CADM1: variants seen among roughly 807,000 people sequenced by gnomAD.
The protein encoded by CADM1 is cell adhesion molecule 1.
Under a neutral mutation model 53.1 loss-of-function variants are expected in CADM1, and 15 were observed. The ratio of observed to expected loss-of-function variants is 0.28; its 90% CI spans 0.19 to 0.44. CADM1 has a LOEUF of 0.44. CADM1 is among the 20% of genes least tolerant of loss of function. The pLI, the probability that CADM1 is intolerant of heterozygous loss-of-function variation, is 1.00. For missense variants in CADM1, 434 were observed against 611.3 expected (o/e 0.71, Z 3.06); for synonymous variants, 281 against 243.0 (o/e 1.16, Z -1.45).
chr11:115,206,364 T>TA (rs1309594472), intron 8 of CADM1, among the ~76,000 whole-genome samples: 2 of 152,080 alleles, frequency 1.3e-5, no homozygotes, highest in African/African-American at 4.8e-5. Context: ...CCGTGTAGGG[T>TA]AAGCAGGAGG....
At chr11:115,301,644 C>T (rs565920034) in intron 1 of CADM1, among the ~76,000 whole-genome samples, 2 of 152,122 alleles carry the variant, frequency 1.3e-5, no homozygotes, top group East Asian at 3.9e-4. Context: ...TGATACAGTG[C>T]ATAAAAGCTG....
chr11:115,474,267 G>C (rs376241796), intron 1 of CADM1, among the ~76,000 whole-genome samples: 1 of 142,112 alleles, frequency 7.0e-6, no homozygotes, highest in African/African-American at 2.7e-5. Context: ...CTCCAGCCTG[G>C]GTGACAGAGC....
At chr11:115,400,657 GTGTGTATATATATATATATATATATA>G (rs1441703972) in intron 1 of CADM1, among the ~76,000 whole-genome samples, 46 of 82,292 alleles carry the variant, frequency 5.6e-4, no homozygotes, top group South Asian at 1.6e-3. Context: ...GTGTGTGTGT[GTGTGTATATATATATATATATATATA>G]TATATATATA....
At chr11:115,393,497 C>G (rs536134549) in intron 1 of CADM1, among the ~76,000 whole-genome samples, 4 of 147,754 alleles carry the variant, frequency 2.7e-5, no homozygotes, top group African/African-American at 1.0e-4. Flanking sequence ...ATTAATCAAA[C>G]AGAAGAATGA....
At chr11:115,236,943 A>G (rs1389282579) in intron 3 of CADM1, among the ~76,000 whole-genome samples, 1 of 152,194 alleles carries the variant, frequency 6.6e-6, no homozygotes, top group Non-Finnish European at 1.5e-5. Context: ...AAAACAACAT[A>G]TAAATACGTA....
rs979252806 is a variant in CADM1, at chr11:115,176,288, A to C, written c.*186T>G. ...ACAAACGAAAAAAGAGGTGTCAAAC[A>C]GCAGAGTGTACTTTCCAAAGAACAT... On this transcript the variant is annotated 3_prime_UTR_variant, in exon 12 of 12. Coordinates refer to ENST00000331581, the MANE Select transcript of CADM1 (RefSeq NM_001301043.2). The C allele has an allele frequency of 1.8e-5, 25 of 1,424,112 alleles. No individual in the cohort carries two copies. Among genetic ancestry groups the C allele is most frequent in the Non-Finnish European group, 2.3e-5 (25 of 1,085,624 alleles). 88.2% of individuals were successfully genotyped at this position (1,424,112 alleles called of 1,614,324 possible).
At chr11:115,255,597 TAGAAAG>T (rs1942759243) in intron 1 of CADM1, among the ~76,000 whole-genome samples, 1 of 152,130 alleles carries the variant, frequency 6.6e-6, no homozygotes, top group South Asian at 2.1e-4. Flanking sequence ...AAGGAGATCC[TAGAAAG>T]AGAAATATTC....
At chr11:115,328,964 T>A (rs1945060370) in intron 1 of CADM1, among the ~76,000 whole-genome samples, 2 of 151,076 alleles carry the variant, frequency 1.3e-5, no homozygotes, top group Non-Finnish European at 2.9e-5. Flanking sequence ...TCCTGTTTTT[T>A]ACTTCTATTA....
At chr11:115,205,365 A>G (rs531510954) in intron 8 of CADM1, among the ~76,000 whole-genome samples, 2 of 152,310 alleles carry the variant, frequency 1.3e-5, no homozygotes, top group Admixed American at 1.3e-4. Context: ...TATCACAGAA[A>G]TGGGTAAGTT....
intron 1 of CADM1, chr11:115,363,508 C>T (rs1480323758): frequency 6.6e-6 from 1 of 152,172 alleles, no homozygotes; most frequent in Non-Finnish European, 1.5e-5. Context: ...GGCTAATTTT[C>T]CATTTTAAGC....
At chr11:115,451,076 T>TTAACA (rs1948561660) in intron 1 of CADM1, among the ~76,000 whole-genome samples, 1 of 152,216 alleles carries the variant, frequency 6.6e-6, no homozygotes, top group African/African-American at 2.4e-5. Context: ...AAGAATAATC[T>TTAACA]GGAAATAAAA....
intron 3 of CADM1, among the ~76,000 whole-genome samples, chr11:115,236,094 A>T (rs756774062): frequency 1.3e-5 from 2 of 152,318 alleles, no homozygotes; most frequent in Admixed American, 1.3e-4. Context: ...ATTATGCTGA[A>T]GTTTTTACTG....
intron 1 of CADM1, among the ~76,000 whole-genome samples, chr11:115,493,713 G>C (rs1453350578): frequency 1.3e-5 from 2 of 152,058 alleles, no homozygotes; most frequent in African/African-American, 4.8e-5. Context: ...AGCTATGCAG[G>C]GTTCTTGCAA....
chr11:115,421,805 TA>T (rs1170230096), intron 1 of CADM1, among the ~76,000 whole-genome samples: 1 of 152,176 alleles, frequency 6.6e-6, no homozygotes, highest in Non-Finnish European at 1.5e-5. Context: ...GGAGATCACT[TA>T]AAAGAAAGGA....
chr11:115,352,102 T>C (rs1945752404), intron 1 of CADM1, among the ~76,000 whole-genome samples: 1 of 151,584 alleles, frequency 6.6e-6, no homozygotes, highest in East Asian at 1.9e-4. Flanking sequence ...GCCTTAAGAG[T>C]CTAAAAAAAG....
intron 1 of CADM1, among the ~76,000 whole-genome samples, chr11:115,436,865 T>C (rs1342962716): frequency 6.6e-6 from 1 of 152,184 alleles, no homozygotes; most frequent in Admixed American, 6.6e-5. Flanking sequence ...CATCTTCCAG[T>C]GGTCAGTAAA....
intron 1 of CADM1, among the ~76,000 whole-genome samples, chr11:115,302,495 GTCATA>G (rs1944253804): frequency 6.6e-6 from 1 of 151,998 alleles, no homozygotes; most frequent in Non-Finnish European, 1.5e-5. Context: ...GTATTATGGA[GTCATA>G]TCAGGCAATT....
chr11:115,292,123 G>A (rs1362323834), intron 1 of CADM1, among the ~76,000 whole-genome samples: 1 of 152,160 alleles, frequency 6.6e-6, no homozygotes, highest in Non-Finnish European at 1.5e-5. Flanking sequence ...CACCTGGTGT[G>A]ATGGCAAAAA....
intron 1 of CADM1, among the ~76,000 whole-genome samples, chr11:115,383,530 C>T (rs1161044398): frequency 1.3e-5 from 2 of 152,200 alleles, no homozygotes; most frequent in East Asian, 3.9e-4. Flanking sequence ...CCAAGTGTCG[C>T]TACAGCATCG....
Sources: allele counts gnomAD v4.1 joint callset (sites outside exome capture counted in the v4.1 genomes callset), GRCh38; gene constraint gnomAD v4.1.1; transcripts MANE v1.5; gene names NCBI Gene and HGNC (gene_info 2026-07-23, HGNC 2026-07-21).